KIF21B: variants seen among roughly 807,000 people sequenced by gnomAD.
KIF21B encodes kinesin family member 21B.
Under a neutral mutation model 192.9 loss-of-function variants are expected in KIF21B, and 85 were observed. The observed-to-expected ratio is 0.44, with a 90% confidence interval of 0.37 to 0.53. KIF21B has a LOEUF of 0.53. Ranked by LOEUF, KIF21B falls within the 20% of genes least tolerant of loss-of-function variation. The pLI, the probability that KIF21B is intolerant of heterozygous loss-of-function variation, is 0.00. For missense variants in KIF21B, 1,716 were observed against 2,194.8 expected, an observed-to-expected ratio of 0.78 and a Z score of 4.36; for synonymous variants, 832 against 884.6, an observed-to-expected ratio of 0.94 and a Z score of 1.05.
Position 200,975,795 on chromosome 1 carries a change from G to GAAGCTCCTCTCCCCA in KIF21B, c.4444-127_4444-126insTGGGGAGAGGAGCTT. 1 of 920,694 alleles carries GAAGCTCCTCTCCCCA rather than the reference G, an allele frequency of 1.1e-6. No homozygotes were observed. Among genetic ancestry groups the GAAGCTCCTCTCCCCA allele is most frequent in the Non-Finnish European group, 1.6e-6 (1 of 635,138 alleles). The allele number at this position is 920,694 out of a possible 1,614,324, so 57.0% of individuals were successfully genotyped here. The stretch of plus-strand genomic sequence containing the variant: ...TAGGGTGACAGCCACTGCCCTCTGG[G>GAAGCTCCTCTCCCCA]GAGAGGAGCTTCCCAGCAGGCGAGG... On this transcript the variant is annotated intron_variant, in intron 32 of 34. Transcript: ENST00000461742. The surrounding 1 kb of genome is among the most constrained non-coding windows in gnomAD (Gnocchi z 4.3).
Position 200,999,366 on chromosome 1 carries a change from G to A in KIF21B, c.1868C>T (p.Ser623Leu). 1 of 1,614,128 alleles carries A rather than the reference G, an allele frequency of 6.2e-7. No homozygotes were observed. The highest frequency in any genetic ancestry group is 1.1e-5 in the South Asian group (1 of 91,082). Reference sequence around the variant, plus strand: ...CCACGCACCCTTCTCCTCGGGGTCTGAGTCTGAGTCCACCAGGCTCTCTTC... The same window carrying A: ...CCACGCACCCTTCTCCTCGGGGTCTAAGTCTGAGTCCACCAGGCTCTCTTC... ...GSEESLVDSDSDPEEKEVNFQ... is the reference protein window; with the variant it reads ...GSEESLVDSDLDPEEKEVNFQ... Residue 623 changes from serine to leucine, a missense_variant, in exon 13 of 35, where the codon TCA (serine) becomes TTA (leucine). Ser to Leu is a moderately radical substitution (Grantham distance 145, BLOSUM62 -2). Coordinates refer to ENST00000461742, the MANE Select transcript of KIF21B (RefSeq NM_001252102.2). The surrounding 1 kb of genome is among the most constrained non-coding windows in gnomAD (Gnocchi z 4.7).
intron 15 of KIF21B, 96 bp downstream of exon 15, chr1:200,996,100 C>T: frequency 8.0e-7 from 1 of 1,250,642 alleles, no homozygotes. Context: ...AGAGAATCCA[C>T]ACTTGACAGC....
At chr1:200,985,730 C>G in intron 26 of KIF21B, among the ~76,000 whole-genome samples, 1 of 151,078 alleles carries the variant, frequency 6.6e-6, no homozygotes, top group East Asian at 2.0e-4. Context: ...GAATTTCTTT[C>G]TTCTTTCTTT....
chr1:201,000,081 T>C lies in KIF21B; in HGVS notation c.1686-117A>G. ...TCTCACCAGAGGCCGGGGAGAGCAC[T>C]GGCTCCTACTCTGCAGAGAACCCCA... On this transcript the variant is annotated intron_variant, in intron 11 of 34. Transcript: ENST00000461742. This position sits in a 1 kb window ranked among gnomAD's most constrained non-coding sequence, Gnocchi z 6.0. 1 of 910,272 alleles carries C rather than the reference T, an allele frequency of 1.1e-6. No individual in the cohort carries two copies. Among genetic ancestry groups the C allele is most frequent in the Non-Finnish European group, 1.8e-6 (1 of 569,470 alleles). The allele number at this position is 910,272 out of a possible 1,614,324, so 56.4% of individuals were successfully genotyped here. A position where few individuals can be genotyped will look rare whatever the true frequency, so the allele number is the denominator to read the frequency against.
intron 3 of KIF21B, among the ~76,000 whole-genome samples, chr1:201,006,482 C>T (rs531639602): frequency 6.6e-6 from 1 of 152,234 alleles, no homozygotes; most frequent in South Asian, 2.1e-4. Context: ...AAGGGGGAGA[C>T]TGCAGCCCTC....
chr1:200,974,981 C>T, intron 33 of KIF21B, 68 bp from the exon 34 acceptor site: 1 of 1,508,450 alleles, frequency 6.6e-7, no homozygotes, highest in South Asian at 1.2e-5. Context: ...CCCAGGGCCC[C>T]TCTTGCTAGT....
At chr1:200,991,592 T>C in intron 17 of KIF21B, 65 bp downstream of exon 17, 3 of 1,499,520 alleles carry the variant, frequency 2.0e-6, no homozygotes, top group South Asian at 1.1e-5. Flanking sequence ...AGGCAAGCAA[T>C]GCACACATGC....
Position 200,999,627 on chromosome 1 carries a change from G to A in KIF21B, c.1768-161C>T, listed in dbSNP as rs1362941688. On this transcript the variant is annotated intron_variant, in intron 12 of 34. Coordinates refer to ENST00000461742, the MANE Select transcript of KIF21B (RefSeq NM_001252102.2). This position sits in a 1 kb window ranked among gnomAD's most constrained non-coding sequence, Gnocchi z 4.7. ...CACCCCCTACTCCTGGAAGAGTGCCGCCTCCCCCAACACCACCGCAGAACC... is the reference window on the plus strand; with the variant it reads ...CACCCCCTACTCCTGGAAGAGTGCCACCTCCCCCAACACCACCGCAGAACC... 4.1e-5 allele frequency among the ~76,000 whole-genome samples: 6 copies of A among 147,920 alleles called. No homozygotes were observed. Among genetic ancestry groups the A allele is most frequent in the East Asian group, 2.0e-4 (1 of 5,032 alleles).
rs1356366486 is a variant in KIF21B at position 200,992,367 on chromosome 1, C to T, written c.2300G>A (p.Arg767His). ...KAKVALMKQM[R>H]EEQQRRRLVE... ...TAGCCGCCGCCGCTGTTGCTCCTCA[C>T]GCATCTGCTTCATCAGGGCCACCTG... is the stretch of plus-strand genomic sequence containing the variant. Residue 767 changes from arginine to histidine, a missense_variant, in exon 16 of 35, where the codon CGT becomes CAT. This residue lies in a region of KIF21B where 1,087 missense variants were observed against 1,316.6 expected (regional missense o/e 0.83). Coordinates refer to ENST00000461742, the MANE Select transcript of KIF21B (RefSeq NM_001252102.2). The T allele has an allele frequency of 6.2e-6, 10 of 1,613,124 alleles. No individual in the cohort carries two copies. Among genetic ancestry groups the T allele is most frequent in the Non-Finnish European group, 8.5e-6 (10 of 1,180,042 alleles).
chr1:200,978,850 C>T (rs1350152522), intron 30 of KIF21B, among the ~76,000 whole-genome samples: 2 of 152,168 alleles, frequency 1.3e-5, no homozygotes, highest in Non-Finnish European at 2.9e-5. Context: ...CCATGCTCAG[C>T]TAACTAAAAA....
intron 21 of KIF21B, 58 bp downstream of exon 21, chr1:200,989,884 A>T: frequency 1.5e-6 from 2 of 1,364,760 alleles, no homozygotes; most frequent in Non-Finnish European, 2.1e-6. Flanking sequence ...ACACTAGGGT[A>T]TATCACAGAG....
At position 201,005,335 on chromosome 1, in the gene KIF21B, C is replaced by T; in HGVS notation, c.705G>A (p.Gln235=). The change falls in exon 5 of 35, where the codon CAG becomes CAA. Residue 235 remains glutamine (Q), a synonymous_variant. Transcript: ENST00000461742. ...GGTCGGGCTGGGTGCACATGCGCAT[C>T]TGGCACAGGTGGATGGTGAAGATGG... ...SHAIFTIHLC[Q]MRMCTQPDLV... is the part of the protein sequence containing the mutation. The T allele has an allele frequency of 6.2e-7, 1 of 1,610,198 alleles. No homozygotes were observed.
intron 1 of KIF21B, among the ~76,000 whole-genome samples, chr1:201,009,727 T>G (rs1191207724): frequency 6.6e-6 from 1 of 152,254 alleles, no homozygotes; most frequent in Non-Finnish European, 1.5e-5. Context: ...ATCAGATCTG[T>G]GTTCAGAGTA....
In KIF21B at chr1:201,006,961, C is replaced by T. The variant is rs569970242; in HGVS notation, c.448-1267G>A. Among the ~76,000 whole-genome samples the T allele has an allele frequency of 4.0e-3, 591 of 146,052 alleles. 14 individuals are homozygous for T. The highest frequency in any genetic ancestry group is 0.013 in the African/African-American group (515 of 38,288). On this transcript the variant is annotated intron_variant, in intron 3 of 34. Coordinates refer to ENST00000461742, the MANE Select transcript of KIF21B (RefSeq NM_001252102.2). The stretch of plus-strand genomic sequence containing the variant: ...AGACAGACACACACAGACACACACA[C>T]ACAGACACCCACTCACAGACACAGA...
At position 200,991,666 on chromosome 1, in the gene KIF21B, C is replaced by T. The variant is rs772814793; in HGVS notation, c.2445G>A (p.Lys815=). The T allele has an allele frequency of 3.7e-6, 6 of 1,614,066 alleles. No homozygotes were observed. Among genetic ancestry groups the T allele is most frequent in the Non-Finnish European group, 5.1e-6 (6 of 1,180,024 alleles). The change falls in exon 17 of 35, where the codon AAG becomes AAA. Residue 815 remains lysine, a synonymous_variant. Transcript: ENST00000461742. ...KRQQEMVLRR[K]TQEVSALRRL... is the part of the protein sequence containing the mutation. ...CCTCGAGTGAGCTCACCTCCTGGGT[C>T]TTCCTCCTCAGGACCATCTCCTGCT...
At chr1:201,021,987 G>T (rs775435212) in intron 1 of KIF21B, among the ~76,000 whole-genome samples, 11 of 152,214 alleles carry the variant, frequency 7.2e-5, no homozygotes, top group Non-Finnish European at 1.5e-4. Flanking sequence ...CCAGGCACCT[G>T]CAGGGCTCCT....
chr1:201,010,888 G>A (rs552156298), intron 1 of KIF21B, among the ~76,000 whole-genome samples: 1 of 152,206 alleles, frequency 6.6e-6, no homozygotes, highest in South Asian at 2.1e-4. Context: ...GGAGTTAAAG[G>A]GGACTGGGGA....
chr1:200,978,504 C>A (rs978705961), intron 30 of KIF21B, among the ~76,000 whole-genome samples: 8 of 151,496 alleles, frequency 5.3e-5, no homozygotes, highest in African/African-American at 1.7e-4. Context: ...AGAAAGCTGC[C>A]TGTGTTTCGA....
At chr1:200,997,654 AATCG>A (rs902971264) in intron 14 of KIF21B, among the ~76,000 whole-genome samples, 2 of 152,212 alleles carry the variant, frequency 1.3e-5, no homozygotes, top group African/African-American at 4.8e-5. Context: ...GAGGCAGGAG[AATCG>A]ATTGAACCGG....
Sources: allele counts gnomAD v4.1 joint callset (sites outside exome capture counted in the v4.1 genomes callset), GRCh38; gene constraint gnomAD v4.1.1; regional missense constraint gnomAD v4.1.1; non-coding constraint Gnocchi (gnomAD v3.1); transcripts MANE v1.5; gene names NCBI Gene and HGNC (gene_info 2026-07-23, HGNC 2026-07-21).